ZNF521: variants seen among roughly 807,000 people sequenced by gnomAD.
ZNF521 encodes the protein zinc finger protein 521.
ZNF521 carries 14 observed loss-of-function variants against 105.5 expected under a neutral mutation model. That is an observed-to-expected ratio of 0.13 (90% CI 0.09 to 0.21). ZNF521 has a LOEUF of 0.21. Ranked by LOEUF, ZNF521 falls within the 10% of genes least tolerant of loss-of-function variation. The probability of loss-of-function intolerance (pLI) is 1.00; values close to 1 mark genes in which losing one functional copy is unlikely to be tolerated. For missense variants in ZNF521, 1,233 were observed against 1,629.7 expected (o/e 0.76, Z 4.19); for synonymous variants, 635 against 606.0 (o/e 1.05, Z -0.70).
intron 7 of ZNF521, among the ~76,000 whole-genome samples, chr18:25,072,091 C>G (rs1003861228): frequency 5.9e-4 from 90 of 152,256 alleles, no homozygotes; most frequent in African/African-American, 2.1e-3. Context: ...TCAAAAACGG[C>G]CTATTTTCAC....
intron 5 of ZNF521, among the ~76,000 whole-genome samples, chr18:25,130,366 C>G (rs1307378759): frequency 6.6e-6 from 1 of 152,094 alleles, no homozygotes; most frequent in Non-Finnish European, 1.5e-5. Context: ...GTAGATAGAA[C>G]AAAGAAAATT....
At position 25,067,328 on chromosome 18, in the gene ZNF521, AT is replaced by A. The variant is rs945737644; in HGVS notation, c.3907-4588del. Reference sequence around the variant, plus strand: ...CATCTGGAAGGAGTGTGCTGTATGTATTTTTTTTCTCTATAAATGTGAAATT... The same window carrying A: ...CATCTGGAAGGAGTGTGCTGTATGTATTTTTTTCTCTATAAATGTGAAATT... On this transcript the variant is annotated intron_variant, in intron 7 of 7. Coordinates refer to ENST00000361524, the MANE Select transcript of ZNF521 (RefSeq NM_015461.3). Among the ~76,000 whole-genome samples the A allele has an allele frequency of 1.5e-4, 23 of 152,122 alleles. No individual in the cohort carries two copies. In the East Asian group the frequency reaches 2.3e-3, roughly 15 times the overall value.
chr18:25,175,465 T>C (rs1480836649), intron 5 of ZNF521, among the ~76,000 whole-genome samples: 1 of 152,212 alleles, frequency 6.6e-6, no homozygotes, highest in Non-Finnish European at 1.5e-5. Flanking sequence ...AAGGTTGGCT[T>C]ATATGACTGA....
chr18:25,107,564 T>C (rs2034098144), intron 5 of ZNF521, among the ~76,000 whole-genome samples: 1 of 152,222 alleles, frequency 6.6e-6, no homozygotes, highest in African/African-American at 2.4e-5. Flanking sequence ...TTTAGAACAC[T>C]CCAAGAGTCT....
chr18:25,182,622 T>G lies in ZNF521; in HGVS notation c.3658+12538A>C, dbSNP rs1307995058. 3.9e-5 allele frequency among the ~76,000 whole-genome samples: 6 copies of G among 152,192 alleles called. No homozygotes were observed. In the East Asian group the frequency reaches 9.6e-4, roughly 24 times the overall value. ...TGATATACGTAATCTCAAAACAAAA[T>G]GTACTTCCACTGCATCATAATGAAA... On this transcript the variant is annotated intron_variant, in intron 5 of 7. Coordinates refer to ENST00000361524, the MANE Select transcript of ZNF521 (RefSeq NM_015461.3).
At chr18:25,290,604 ATTCTTT>A (rs1355616670) in intron 3 of ZNF521, among the ~76,000 whole-genome samples, 1 of 132,504 alleles carries the variant, frequency 7.5e-6, no homozygotes, top group Admixed American at 7.5e-5. Flanking sequence ...AGTAGGCCAT[ATTCTTT>A]TTTTTTTTTT....
chr18:25,347,717 G>T (rs1255685966), intron 2 of ZNF521, among the ~76,000 whole-genome samples: 2 of 152,314 alleles, frequency 1.3e-5, no homozygotes, highest in Non-Finnish European at 2.9e-5. Context: ...ACTGTTAATA[G>T]AAATGTCCTG....
At chr18:25,249,928 GT>G (rs1400117510) in intron 3 of ZNF521, among the ~76,000 whole-genome samples, 6 of 152,122 alleles carry the variant, frequency 3.9e-5, no homozygotes, top group African/African-American at 1.2e-4. Flanking sequence ...GCTAATGACT[GT>G]GAAATAATTT....
intron 5 of ZNF521, among the ~76,000 whole-genome samples, chr18:25,159,712 G>T (rs2035215914): frequency 6.6e-6 from 1 of 152,118 alleles, no homozygotes; most frequent in South Asian, 2.1e-4. Context: ...ACAGAATAAG[G>T]GGGCCACTTC....
chr18:25,094,521 T>C (rs1274563268), intron 5 of ZNF521, among the ~76,000 whole-genome samples: 2 of 152,104 alleles, frequency 1.3e-5, no homozygotes, highest in African/African-American at 4.8e-5. Context: ...GTGACAGCAA[T>C]GATAACAATC....
chr18:25,267,730 AT>A (rs1909368341), intron 3 of ZNF521, among the ~76,000 whole-genome samples: 1 of 152,178 alleles, frequency 6.6e-6, no homozygotes, highest in Non-Finnish European at 1.5e-5. Context: ...AAGAAACAGC[AT>A]CAGTATCAAC....
chr18:25,149,990 C>T (rs2035016327), intron 5 of ZNF521, among the ~76,000 whole-genome samples: 1 of 152,100 alleles, frequency 6.6e-6, no homozygotes, highest in Admixed American at 6.5e-5. Flanking sequence ...GGTCTTTCTG[C>T]CTATGGATCA....
intron 3 of ZNF521, among the ~76,000 whole-genome samples, chr18:25,298,854 T>G (rs1911469081): frequency 6.6e-6 from 1 of 152,046 alleles, no homozygotes; most frequent in African/African-American, 2.4e-5. Context: ...CAGAGTGAAA[T>G]AAATCATTCT....
intron 3 of ZNF521, among the ~76,000 whole-genome samples, chr18:25,247,926 A>G (rs2144830920): frequency 6.6e-6 from 1 of 152,298 alleles, no homozygotes; most frequent in Middle Eastern, 3.4e-3. Context: ...GACTAATTAT[A>G]TATGATGAGG....
At chr18:25,214,422 T>C (rs533716833) in intron 4 of ZNF521, among the ~76,000 whole-genome samples, 6 of 152,238 alleles carry the variant, frequency 3.9e-5, no homozygotes, top group Admixed American at 3.9e-4. Flanking sequence ...AAACTAACTT[T>C]TCACTTTCTT....
At chr18:25,247,594 C>T (rs557940657) in intron 3 of ZNF521, among the ~76,000 whole-genome samples, 2 of 152,320 alleles carry the variant, frequency 1.3e-5, no homozygotes, top group Non-Finnish European at 2.9e-5. Flanking sequence ...GGCAACACTA[C>T]AGCCAGGTTC....
intron 3 of ZNF521, among the ~76,000 whole-genome samples, chr18:25,285,036 CT>C (rs1910617679): frequency 6.6e-6 from 1 of 150,746 alleles, no homozygotes; most frequent in South Asian, 2.1e-4. Flanking sequence ...AAGGACTTAG[CT>C]AAGCTGAAGG....
intron 3 of ZNF521, among the ~76,000 whole-genome samples, chr18:25,284,907 C>T (rs915088235): frequency 3.4e-5 from 5 of 148,802 alleles, no homozygotes; most frequent in South Asian, 2.1e-4. Flanking sequence ...TGCGTGCGCG[C>T]GCGCACACAC....
intron 5 of ZNF521, among the ~76,000 whole-genome samples, chr18:25,194,396 G>A (rs2035869049): frequency 6.6e-6 from 1 of 151,620 alleles, no homozygotes; most frequent in African/African-American, 2.4e-5. Context: ...CTGGTAAAAC[G>A]TTTAGTGTTA....
Sources: gnomAD v4.1 joint callset for allele counts (sites outside exome capture counted in the v4.1 genomes callset) on GRCh38, gnomAD v4.1.1 for gene constraint, MANE v1.5 for transcripts, NCBI Gene and HGNC (gene_info 2026-07-23, HGNC 2026-07-21) for gene names.